AUTS2: variants seen among roughly 807,000 people sequenced by gnomAD.
AUTS2 encodes the protein activator of transcription and developmental regulator AUTS2, also known as autism susceptibility gene 2 protein.
AUTS2 carries 17 observed loss-of-function variants against 112.4 expected under a neutral mutation model. The observed-to-expected ratio is 0.15, with a 90% CI of 0.10 to 0.23. The LOEUF is 0.23. AUTS2 is among the 10% of genes least tolerant of loss of function. The pLI is 1.00. For synonymous variants in AUTS2, 751 were observed against 702.7 expected (o/e 1.07, Z -1.09); for missense variants, 1,510 against 1,701.6 (o/e 0.89, Z 1.98).
chr7:69,692,179 C>T (rs191762498), intron 1 of AUTS2, among the ~76,000 whole-genome samples: 87 of 152,302 alleles, frequency 5.7e-4, no homozygotes, highest in African/African-American at 2.0e-3. Flanking sequence ...CCCTGGCATT[C>T]CAAGTGCCAT....
intron 1 of AUTS2, among the ~76,000 whole-genome samples, chr7:69,754,466 G>C (rs988321863): frequency 2.6e-5 from 4 of 152,136 alleles, no homozygotes; most frequent in Admixed American, 1.3e-4. Context: ...TTTGTTGCAG[G>C]CTGTTAAGTA....
chr7:70,561,712 C>G (rs1307475753), intron 5 of AUTS2, among the ~76,000 whole-genome samples: 1 of 152,000 alleles, frequency 6.6e-6, no homozygotes, highest in Non-Finnish European at 1.5e-5. Context: ...CACCATATAC[C>G]CAAGGAGGGA....
rs945883537 is a variant in AUTS2, at chr7:70,792,394, A to G, written c.*1398A>G. 1 of 152,250 alleles carries G rather than the reference A, an allele frequency of 6.6e-6. No homozygotes were observed. The highest frequency in any genetic ancestry group is 2.4e-5 in the African/African-American group (1 of 41,332). 9.4% of individuals were successfully genotyped at this position (152,250 alleles called of 1,614,324 possible). On this transcript the variant is annotated 3_prime_UTR_variant, in exon 19 of 19. Transcript: ENST00000342771. The stretch of plus-strand genomic sequence containing the variant: ...CAGAGAAATACAATATATCTTGTCT[A>G]CTGGACTGTAAAATATATGTATGAA...
At chr7:69,860,130 G>T (rs1792909419) in intron 1 of AUTS2, among the ~76,000 whole-genome samples, 2 of 151,996 alleles carry the variant, frequency 1.3e-5, no homozygotes, top group South Asian at 2.1e-4. Context: ...TGATTCAGCT[G>T]CAATTTTGAG....
chr7:70,442,646 C>T (rs906298483), intron 5 of AUTS2, among the ~76,000 whole-genome samples: 2 of 152,034 alleles, frequency 1.3e-5, no homozygotes, highest in African/African-American at 4.8e-5. Flanking sequence ...ACCCACCATG[C>T]CTGGCTAATT....
intron 6 of AUTS2, among the ~76,000 whole-genome samples, chr7:70,699,665 T>C (rs1279212211): frequency 6.6e-6 from 1 of 152,244 alleles, no homozygotes; most frequent in African/African-American, 2.4e-5. Flanking sequence ...CCAGAATTAC[T>C]GTCATATTGA....
chr7:69,879,120 CTGTGTGTGTGTGTGTGTG>C (rs5884770), intron 1 of AUTS2, among the ~76,000 whole-genome samples: 3 of 147,710 alleles, frequency 2.0e-5, no homozygotes, highest in East Asian at 2.0e-4. Context: ...TTGAGACTTT[CTGTGTGTGTGTGTGTGTG>C]TGTGTGTGTG....
rs57602451 is a variant in AUTS2 at position 69,614,367 on chromosome 7, T to TCTTTCTTTCTTTCTTTTCTTTCTTTTC, written c.309+14405_309+14406insCTTTCTTTCTTTCTTTTCTTTCTTTTC. On this transcript the variant is annotated intron_variant, in intron 1 of 18. Coordinates refer to ENST00000342771, the MANE Select transcript of AUTS2 (RefSeq NM_015570.4). ...TTCTTTCTTTCTTTCTTTCTTTCTTTTTTTAAGAGATGGGATCTCACTCTG... is the reference window on the plus strand; with the variant it reads ...TTCTTTCTTTCTTTCTTTCTTTCTTTCTTTCTTTCTTTCTTTTCTTTCTTTTCTTTTAAGAGATGGGATCTCACTCTG... Among the ~76,000 whole-genome samples the TCTTTCTTTCTTTCTTTTCTTTCTTTTC allele has an allele frequency of 3.8e-4, 34 of 90,288 alleles. 3 individuals are homozygous for TCTTTCTTTCTTTCTTTTCTTTCTTTTC. The highest frequency in any genetic ancestry group is 6.3e-4 in the Non-Finnish European group (27 of 43,154). 59.2% of individuals were successfully genotyped at this position (90,288 alleles called of 152,430 possible).
intron 5 of AUTS2, among the ~76,000 whole-genome samples, chr7:70,665,517 G>A (rs1234612395): frequency 6.6e-6 from 1 of 151,238 alleles, no homozygotes; most frequent in African/African-American, 2.4e-5. Context: ...GATCAGCCTT[G>A]TCTGAAGTCC....
At chr7:70,068,211 C>CTT (rs1020479450) in intron 2 of AUTS2, among the ~76,000 whole-genome samples, 11 of 144,442 alleles carry the variant, frequency 7.6e-5, no homozygotes, top group African/African-American at 2.6e-4. Context: ...TGGAGTCTTG[C>CTT]TTGTGGCCCA....
chr7:69,944,070 A>C (rs910472872), intron 2 of AUTS2, among the ~76,000 whole-genome samples: 1 of 152,220 alleles, frequency 6.6e-6, no homozygotes. Flanking sequence ...CAGATAATTA[A>C]AGTGAAGACC....
chr7:70,774,208 G>A (rs1439739206), intron 12 of AUTS2, 109 bp downstream of exon 12: 5 of 977,548 alleles, frequency 5.1e-6, no homozygotes, highest in Non-Finnish European at 8.0e-6. Flanking sequence ...GCGAGCTGCT[G>A]TTTCAGCTGT....
rs748478664 is a variant in AUTS2, at chr7:70,787,306, G to A, written c.2406G>A (p.Ser802=). 1.2e-5 allele frequency: 20 copies of A among 1,614,118 alleles called. No individual in the cohort carries two copies. Among genetic ancestry groups the A allele is most frequent in the Non-Finnish European group, 1.6e-5 (19 of 1,180,050 alleles). ...ACCGGCTGCACCGAACGCCTCCGTC[G>A]TTCCCGACCCCTCCGCCCTGGCTGA... ...PWNRLHRTPP[S]FPTPPPWLKP... Residue 802 remains serine, a synonymous_variant, in exon 18 of 19, where the codon TCG becomes TCA. Coordinates refer to ENST00000342771, the MANE Select transcript of AUTS2 (RefSeq NM_015570.4).
chr7:70,408,587 A>C (rs1185773661), intron 4 of AUTS2, among the ~76,000 whole-genome samples: 1 of 152,232 alleles, frequency 6.6e-6, no homozygotes, highest in Non-Finnish European at 1.5e-5. Flanking sequence ...CTGGGTGCTC[A>C]GCATACAATC....
chr7:70,776,939 GGGCGCTGGAGAGCTACTGATGGAA>G (rs1790740241), intron 13 of AUTS2, 140 bp from the exon 14 acceptor site: 5 of 683,064 alleles, frequency 7.3e-6, no homozygotes. Flanking sequence ...CCTTATGACT[GGGCGCTGGAGAGCTACTGATGGAA>G]GGCACTTGGA....
chr7:70,422,130 C>T (rs939199525), intron 4 of AUTS2, among the ~76,000 whole-genome samples: 6 of 152,146 alleles, frequency 3.9e-5, no homozygotes, highest in African/African-American at 9.7e-5. Context: ...TCCTATGTGA[C>T]GGTAGCCTAA....
chr7:69,944,198 G>A (rs1248588207), intron 2 of AUTS2, among the ~76,000 whole-genome samples: 3 of 152,106 alleles, frequency 2.0e-5, no homozygotes, highest in East Asian at 3.9e-4. Flanking sequence ...GACCTTGAGG[G>A]GCTCACTTCA....
chr7:69,747,145 G>A (rs750545371), intron 1 of AUTS2, among the ~76,000 whole-genome samples: 1 of 152,212 alleles, frequency 6.6e-6, no homozygotes, highest in Non-Finnish European at 1.5e-5. Flanking sequence ...GATTCAGGAG[G>A]TTTAGGGCAG....
intron 4 of AUTS2, among the ~76,000 whole-genome samples, chr7:70,219,892 A>G (rs1412365710): frequency 6.6e-6 from 1 of 152,162 alleles, no homozygotes; most frequent in African/African-American, 2.4e-5. Flanking sequence ...TTTTAAGATC[A>G]AAGTATGCAT....
Sources: allele counts gnomAD v4.1 joint callset (sites outside exome capture counted in the v4.1 genomes callset), GRCh38; gene constraint gnomAD v4.1.1; transcripts MANE v1.5; gene names NCBI Gene and HGNC (gene_info 2026-07-23, HGNC 2026-07-21).